Variants in FGF13 observed in about 807,000 individuals in gnomAD.
FGF13 encodes the protein fibroblast growth factor homologous factor 2.
A neutral mutation model predicts 19.5 loss-of-function variants in FGF13; 2 were observed. The observed-to-expected ratio is 0.10, with a 90% CI of 0.04 to 0.32. The LOEUF (loss-of-function observed/expected upper bound fraction) is 0.32, where lower values mean the gene tolerates loss of function less well. FGF13 is among the 10% of genes least tolerant of loss of function. The probability of loss-of-function intolerance (pLI) is 1.00; values close to 1 mark genes in which losing one functional copy is unlikely to be tolerated. For missense variants in FGF13, 113 were observed against 192.7 expected (o/e 0.59, Z 2.45); for synonymous variants, 72 against 76.9 (o/e 0.94, Z 0.33).
At chrX:139,026,724 T>A (rs2092202543) in intron 1 of FGF13, among the ~76,000 whole-genome samples, 1 of 111,827 alleles carries the variant, frequency 8.9e-6, no homozygotes, top group Non-Finnish European at 1.9e-5. Context: ...GTGGGAGGAC[T>A]TGAGCCTGAG....
intron 1 of FGF13, among the ~76,000 whole-genome samples, chrX:138,870,495 G>A (rs1445085548): frequency 5.4e-5 from 6 of 111,835 alleles, no homozygotes; most frequent in Non-Finnish European, 9.4e-5. Flanking sequence ...ATTTGTCTGC[G>A]TATCTCTGAA....
chrX:138,790,172 C>T (rs972294223), intron 3 of FGF13, among the ~76,000 whole-genome samples: 2 of 105,560 alleles, frequency 1.9e-5, no homozygotes, highest in African/African-American at 6.9e-5. Context: ...ACGATGCCAG[C>T]GTGGTTGGAT....
chrX:138,947,201 T>C (rs903882891), intron 1 of FGF13, among the ~76,000 whole-genome samples: 5 of 111,897 alleles, frequency 4.5e-5, no homozygotes, highest in Non-Finnish European at 3.8e-5. Context: ...ATATGATAAA[T>C]GGACATATGA....
intron 1 of FGF13, among the ~76,000 whole-genome samples, chrX:139,196,529 G>T (rs1319389971): frequency 8.9e-6 from 1 of 112,165 alleles, no homozygotes; most frequent in Non-Finnish European, 1.9e-5. Context: ...CACAGCCCTG[G>T]AGCAACCATG....
At chrX:138,882,493 C>G (rs2091431757) in intron 1 of FGF13, among the ~76,000 whole-genome samples, 1 of 111,775 alleles carries the variant, frequency 8.9e-6, no homozygotes, top group African/African-American at 3.3e-5. Context: ...AATTAACTTT[C>G]TTCTATCATC....
At chrX:138,739,520 C>T (rs2090305009), upstream of FGF13, among the ~76,000 whole-genome samples, 1 of 111,942 alleles carries the variant, frequency 8.9e-6, no homozygotes, top group African/African-American at 3.2e-5. Context: ...CAGACCATTG[C>T]TTGGACTCAG....
intron 1 of FGF13, among the ~76,000 whole-genome samples, chrX:138,913,702 AAG>A (rs2091603860): frequency 4.1e-5 from 4 of 96,857 alleles, no homozygotes; most frequent in Non-Finnish European, 4.2e-5. Context: ...GGAAGGAAGG[AAG>A]GAAAGAAAAC....
intron 1 of FGF13, among the ~76,000 whole-genome samples, chrX:139,018,374 T>G (rs1257861796): frequency 9.0e-6 from 1 of 111,634 alleles, no homozygotes; most frequent in African/African-American, 3.3e-5. Flanking sequence ...CAGCTTGCAT[T>G]AAAGACAAAT....
At chrX:138,997,169 T>A (rs2092047120) in intron 1 of FGF13, among the ~76,000 whole-genome samples, 2 of 111,776 alleles carry the variant, frequency 1.8e-5, no homozygotes, top group Admixed American at 1.9e-4. Context: ...CAAAACCCCA[T>A]CTTGTAGGAT....
At chrX:138,665,694 A>G (rs2089535823) in intron 3 of FGF13, among the ~76,000 whole-genome samples, 1 of 111,157 alleles carries the variant, frequency 9.0e-6, no homozygotes, top group African/African-American at 3.3e-5. Flanking sequence ...TGCTTGTCAG[A>G]TGAAGGCAGT....
rs150079836 is a variant in FGF13, at chrX:139,095,261, C to T, written c.-113+108155G>A. On this transcript the variant is annotated intron_variant, in intron 1 of 2. Transcript: ENST00000421460. ...TCCTTTCAAAACCCAAAAGCCCTCGCTCAGGGAGCAGAGTAAGATGCTGTA... is the reference window on the plus strand; with the variant it reads ...TCCTTTCAAAACCCAAAAGCCCTCGTTCAGGGAGCAGAGTAAGATGCTGTA... Among the ~76,000 whole-genome samples, 235 of 112,140 alleles carry T rather than the reference C, an allele frequency of 2.1e-3. 1 individual carries two copies. The highest frequency in any genetic ancestry group is 7.1e-3 in the African/African-American group (219 of 30,889).
intron 1 of FGF13, among the ~76,000 whole-genome samples, chrX:139,144,524 G>A (rs899197993): frequency 3.8e-5 from 4 of 105,292 alleles, no homozygotes; most frequent in African/African-American, 1.1e-4. Flanking sequence ...TGCCTTGCCT[G>A]GACTCCTGCA....
At chrX:138,694,734 C>T (rs2089876487) in intron 3 of FGF13, among the ~76,000 whole-genome samples, 1 of 109,470 alleles carries the variant, frequency 9.1e-6, no homozygotes. Context: ...CCTTGGCCTC[C>T]CATAGTGCTG....
chrX:138,857,256 G>A (rs1163357371), downstream of FGF13, among the ~76,000 whole-genome samples: 1 of 112,211 alleles, frequency 8.9e-6, no homozygotes, highest in East Asian at 2.8e-4. Context: ...AAATGGGGCA[G>A]TAAAATGACA....
chrX:139,071,000 G>A (rs982066716), intron 1 of FGF13, among the ~76,000 whole-genome samples: 1 of 108,435 alleles, frequency 9.2e-6, no homozygotes, highest in Non-Finnish European at 1.9e-5. Context: ...GGTGGAGGAG[G>A]GATAGCATTA....
intron 3 of FGF13, among the ~76,000 whole-genome samples, chrX:138,656,822 A>C (rs2089442370): frequency 8.9e-6 from 1 of 111,771 alleles, no homozygotes; most frequent in Admixed American, 9.5e-5. Flanking sequence ...ACTCCTCCTC[A>C]AAAAACAGAC....
At chrX:139,180,864 C>T (rs1177346938) in intron 1 of FGF13, among the ~76,000 whole-genome samples, 3 of 112,039 alleles carry the variant, frequency 2.7e-5, no homozygotes, top group Non-Finnish European at 5.6e-5. Flanking sequence ...CTCTCAGGTG[C>T]CATTCAGTTC....
chrX:138,934,644 A>G (rs750598189), intron 1 of FGF13, among the ~76,000 whole-genome samples: 30 of 112,638 alleles, frequency 2.7e-4, no homozygotes, highest in Non-Finnish European at 2.4e-4. Context: ...GCAAAACTGC[A>G]TCTGTGATTT....
At chrX:139,093,169 T>A (rs1259085401) in intron 1 of FGF13, among the ~76,000 whole-genome samples, 3 of 112,206 alleles carry the variant, frequency 2.7e-5, no homozygotes, top group Non-Finnish European at 5.6e-5. Context: ...ATCATCCCTA[T>A]GAAAAGAGAT....
Sources: allele counts gnomAD v4.1 joint callset (sites outside exome capture counted in the v4.1 genomes callset), GRCh38; gene constraint gnomAD v4.1.1; transcripts MANE v1.5; gene names NCBI Gene and HGNC (gene_info 2026-07-23, HGNC 2026-07-21).